Variants in BBS1 observed in about 807,000 individuals in gnomAD.
BBS1 encodes the protein Bardet-Biedl syndrome 1, also known as BBSome complex member BBS1.
Under a neutral mutation model 73.9 loss-of-function variants are expected in BBS1, and 60 were observed. That is an observed-to-expected ratio of 0.81 (90% CI 0.66 to 1.01). The LOEUF is 1.01. Ranked by LOEUF, BBS1 falls within the 50% of genes least tolerant of loss-of-function variation. The pLI is 0.00. For missense variants in BBS1, 718 were observed against 770.3 expected (o/e 0.93, Z 0.80); for synonymous variants, 283 against 317.4 (o/e 0.89, Z 1.15).
At position 66,529,916 on chromosome 11, in the gene BBS1, C is replaced by T. The variant is rs1856697260; in HGVS notation, c.1437C>T (p.Ser479=). The T allele has an allele frequency of 1.9e-6, 3 of 1,605,794 alleles. No homozygotes were observed. The highest frequency in any genetic ancestry group is 8.5e-7 in the Non-Finnish European group (1 of 1,179,786). The stretch of plus-strand genomic sequence containing the variant: ...TCGAGTCCAGCCTGAGCCCCCTGTC[C>T]ACGACAGCCCGAGAGCCACTCAAGC... ...QALESSLSPL[S]TTAREPLKLH... is the part of the protein sequence containing the mutation. Residue 479 remains serine (S), a synonymous_variant, in exon 14 of 17, where the codon TCC becomes TCT. Transcript: ENST00000318312.
chr11:66,523,328 C>T, intron 9 of BBS1, 128 bp from the exon 10 acceptor site: 1 of 1,334,806 alleles, frequency 7.5e-7, no homozygotes, highest in South Asian at 1.2e-5. Context: ...TGGAAATAAT[C>T]CCAGGGTCAT....
At chr11:66,527,438 A>G in intron 13 of BBS1, 2 of 256,342 alleles carry the variant, frequency 7.8e-6, no homozygotes, top group Non-Finnish European at 1.5e-5. Flanking sequence ...TGGGAGGCGG[A>G]GATGGGCAGA....
intron 13 of BBS1, 77 bp from the exon 14 acceptor site, chr11:66,529,742 A>G: frequency 6.4e-7 from 1 of 1,564,960 alleles, no homozygotes; most frequent in East Asian, 2.2e-5. Flanking sequence ...CACCAACCTG[A>G]GCAGGAGTGC....
At position 66,530,891 on chromosome 11, in the gene BBS1, T is replaced by C; in HGVS notation, c.1474-3T>C. 1.2e-6 allele frequency: 2 copies of C among 1,614,168 alleles called. No individual in the cohort carries two copies. Among genetic ancestry groups the C allele is most frequent in the Non-Finnish European group, 1.7e-6 (2 of 1,180,016 alleles). On this transcript the variant is annotated splice_region_variant and splice_polypyrimidine_tract_variant and intron_variant, in intron 14 of 16. Transcript: ENST00000318312. ...GGGCTTTCTCCACCCACCCTCTCCA[T>C]AGGTTCAGGGCCTTGGCCCCACCTT...
At chr11:66,527,112 C>T (rs1265390355) in intron 13 of BBS1, 3 of 1,220,674 alleles carry the variant, frequency 2.5e-6, no homozygotes, top group East Asian at 2.5e-5. Context: ...CATGGTGGCT[C>T]ACGCCTGTAA....
chr11:66,515,791 G>C (rs1856037425), intron 6 of BBS1, 60 bp downstream of exon 6: 1 of 1,613,934 alleles, frequency 6.2e-7, no homozygotes, highest in African/African-American at 1.3e-5. Context: ...GCAGCCGCCA[G>C]AATGTGCCAG....
intron 7 of BBS1, among the ~76,000 whole-genome samples, chr11:66,518,950 T>C (rs1490184215): frequency 2.0e-5 from 3 of 151,882 alleles, no homozygotes; most frequent in Non-Finnish European, 4.4e-5. Flanking sequence ...TTTTGTAGAG[T>C]TGGGGTCTCA....
intron 12 of BBS1, 148 bp from the exon 13 acceptor site, chr11:66,526,501 C>T: frequency 1.0e-6 from 1 of 960,976 alleles, no homozygotes; most frequent in Non-Finnish European, 1.7e-6. Flanking sequence ...TATTAAGATG[C>T]ACTTTGTTAC....
chr11:66,530,006 C>T (rs541904172), intron 14 of BBS1, 54 bp downstream of exon 14: 35 of 1,559,118 alleles, frequency 2.2e-5, no homozygotes, highest in East Asian at 1.2e-4. Flanking sequence ...GGCCAGGATG[C>T]GCAGGAACCC....
rs143902863 is a variant in BBS1 at position 66,522,260 on chromosome 11, T to G, written c.830+884T>G. On this transcript the variant is annotated intron_variant, in intron 9 of 16. Transcript: ENST00000318312. ...CAGATGGGAAGAAATAAAAAAAAATTTCCCATATTTGTTACTTTCTAGGGT... is the reference window on the plus strand; with the variant it reads ...CAGATGGGAAGAAATAAAAAAAAATGTCCCATATTTGTTACTTTCTAGGGT... Among the ~76,000 whole-genome samples the G allele has an allele frequency of 4.2e-3, 643 of 151,812 alleles. 4 individuals are homozygous for G. The highest frequency in any genetic ancestry group is 0.014 in the African/African-American group (591 of 41,430).
rs1856353608 is a variant in BBS1, at chr11:66,523,722, A to G, written c.952-2A>G. 6.2e-7 allele frequency: 1 copy of G among 1,611,018 alleles called. No homozygotes were observed. Among genetic ancestry groups the G allele is most frequent in the Non-Finnish European group, 8.5e-7 (1 of 1,179,994 alleles). On this transcript the variant is annotated splice_acceptor_variant, in intron 10 of 16. Coordinates refer to ENST00000318312, the MANE Select transcript of BBS1 (RefSeq NM_024649.5). LOFTEE classifies it high-confidence loss of function. The stretch of plus-strand genomic sequence containing the variant: ...CCACAGACGCTGGCTGTTCCCTGCC[A>G]GGGGAAGAAGCTGTGGACAGTGCAG...
intron 7 of BBS1, among the ~76,000 whole-genome samples, chr11:66,518,147 G>A (rs1394017412): frequency 1.3e-5 from 2 of 151,166 alleles, no homozygotes. Context: ...AGTAGGGACA[G>A]GGTTTCTCCC....
chr11:66,528,841 G>T (rs1359404584), intron 13 of BBS1, among the ~76,000 whole-genome samples: 1 of 151,772 alleles, frequency 6.6e-6, no homozygotes, highest in African/African-American at 2.4e-5. Flanking sequence ...GGCGGCGCGT[G>T]CCTGTAATTC....
intron 14 of BBS1, 76 bp from the exon 15 acceptor site, chr11:66,530,818 G>C (rs1271065671): frequency 2.5e-6 from 4 of 1,595,896 alleles, no homozygotes; most frequent in Non-Finnish European, 3.4e-6. Context: ...ATTGGTGGAA[G>C]GCAGGCAGAG....
intron 13 of BBS1, 93 bp downstream of exon 13, chr11:66,526,900 GGGA>G (rs1856534840): frequency 1.2e-6 from 2 of 1,611,288 alleles, no homozygotes; most frequent in Admixed American, 1.7e-5. Context: ...CCTGTGCACT[GGGA>G]GGAGATCTCG....
chr11:66,523,982 C>T, intron 11 of BBS1, 100 bp downstream of exon 11: 4 of 1,544,734 alleles, frequency 2.6e-6, no homozygotes, highest in Non-Finnish European at 8.8e-7. Flanking sequence ...TGATGCATTT[C>T]AAAAACATTT....
intron 11 of BBS1, 57 bp downstream of exon 11, chr11:66,523,939 G>A (rs1372953067): frequency 7.5e-6 from 12 of 1,604,344 alleles, no homozygotes; most frequent in South Asian, 2.2e-5. Context: ...TCTCACCTCT[G>A]GGGCTTCTTA....
rs895200431 is a variant in BBS1 at position 66,533,541 on chromosome 11, A to G, written c.*1504A>G. On this transcript the variant is annotated 3_prime_UTR_variant, in exon 17 of 17. Transcript: ENST00000318312. ...TACTCAGATTACTATTTCTATTACT[A>G]TGTGAAAGTTAACTGCGGAGCCAAG... 2.0e-5 allele frequency: 3 copies of G among 152,264 alleles called. No homozygotes were observed. Among genetic ancestry groups the G allele is most frequent in the African/African-American group, 7.2e-5 (3 of 41,468 alleles). 9.4% of individuals were successfully genotyped at this position (152,264 alleles called of 1,614,324 possible).
chr11:66,518,060 C>T (rs745632826), intron 7 of BBS1, among the ~76,000 whole-genome samples: 2 of 150,174 alleles, frequency 1.3e-5, no homozygotes, highest in Admixed American at 6.7e-5. Flanking sequence ...TGGGTTCAAG[C>T]GATTCTCCTG....
Sources: allele counts gnomAD v4.1 joint callset (sites outside exome capture counted in the v4.1 genomes callset), GRCh38; gene constraint gnomAD v4.1.1; transcripts MANE v1.5; gene names NCBI Gene and HGNC (gene_info 2026-07-23, HGNC 2026-07-21).